The following NCKAP5 variants were observed in gnomAD, a reference collection of about 807,000 sequenced individuals.
NCKAP5 encodes NCK associated protein 5.
Under a neutral mutation model 167.0 loss-of-function variants are expected in NCKAP5, and 92 were observed. The observed-to-expected ratio is 0.55, with a 90% CI of 0.47 to 0.66. The LOEUF (loss-of-function observed/expected upper bound fraction) is 0.66. Among genes scored for constraint, NCKAP5 ranks in the 30% least tolerant of loss-of-function variants. The pLI, the probability that NCKAP5 is intolerant of heterozygous loss-of-function variation, is 0.00. For missense variants in NCKAP5, 2,378 were observed against 2,315.0 expected (o/e 1.03, Z -0.56); for synonymous variants, 891 against 877.4 (o/e 1.02, Z -0.27).
chr2:132,890,119 A>G (rs1414420528), intron 8 of NCKAP5, among the ~76,000 whole-genome samples: 1 of 152,228 alleles, frequency 6.6e-6, no homozygotes, highest in Admixed American at 6.5e-5. Flanking sequence ...TAAGATCAGA[A>G]AAGGTATTTC....
intron 8 of NCKAP5, among the ~76,000 whole-genome samples, chr2:132,918,609 TGAC>T (rs1260183268): frequency 1.3e-5 from 2 of 152,198 alleles, no homozygotes; most frequent in Non-Finnish European, 2.9e-5. Flanking sequence ...ATAATGATGA[TGAC>T]AATGCTATTA....
At position 132,782,959 on chromosome 2, in the gene NCKAP5, G is replaced by A; in HGVS notation, c.3852C>T (p.Asp1284=). The part of the protein sequence containing the change: ...RSHSFSTHSG[D]KPSTPPIEGS... ...CTTCGATGGGGGGCGTAGAAGGCTT[G>A]TCTCCTGAGTGTGTACTGAAGCTGT... Residue 1284 remains aspartate, a synonymous_variant, in exon 14 of 20, where the codon GAC becomes GAT. Coordinates refer to ENST00000409261, the MANE Select transcript of NCKAP5 (RefSeq NM_207363.3). The A allele has an allele frequency of 6.2e-7, 1 of 1,614,014 alleles. No individual in the cohort carries two copies. Among genetic ancestry groups the A allele is most frequent in the Non-Finnish European group, 8.5e-7 (1 of 1,179,884 alleles).
intron 2 of NCKAP5, among the ~76,000 whole-genome samples, chr2:133,541,468 GTAATTACATCAC>G (rs1158579891): frequency 3.3e-5 from 5 of 151,988 alleles, no homozygotes; most frequent in African/African-American, 1.2e-4. Context: ...GCAATATATG[GTAATTACATCAC>G]GATCCTTCAA....
intron 4 of NCKAP5, among the ~76,000 whole-genome samples, chr2:133,234,778 A>C (rs2087318436): frequency 6.6e-6 from 1 of 151,956 alleles, no homozygotes; most frequent in Admixed American, 6.6e-5. Flanking sequence ...TAGTTACCTA[A>C]AGTTTTAAAG....
intron 5 of NCKAP5, among the ~76,000 whole-genome samples, chr2:133,176,655 C>T (rs1365926867): frequency 6.6e-6 from 1 of 152,182 alleles, no homozygotes; most frequent in Non-Finnish European, 1.5e-5. Flanking sequence ...GATTAGCAAA[C>T]ATCTGATGAA....
chr2:132,985,625 T>G (rs1297536450), intron 7 of NCKAP5, among the ~76,000 whole-genome samples: 3 of 152,210 alleles, frequency 2.0e-5, no homozygotes, highest in African/African-American at 7.2e-5. Context: ...AATTCCGCCT[T>G]CTGTATCTGA....
intron 4 of NCKAP5, among the ~76,000 whole-genome samples, chr2:133,246,795 C>T (rs1368747121): frequency 6.6e-6 from 1 of 152,100 alleles, no homozygotes; most frequent in East Asian, 1.9e-4. Flanking sequence ...GGAGTCTATG[C>T]CCAAATAACA....
intron 4 of NCKAP5, among the ~76,000 whole-genome samples, chr2:133,294,268 T>C (rs1679802985): frequency 6.6e-6 from 1 of 152,186 alleles, no homozygotes; most frequent in Non-Finnish European, 1.5e-5. Flanking sequence ...ATGATTACAG[T>C]GAAGGCAACC....
In NCKAP5 at chr2:132,840,404, T is replaced by C. The variant is rs553882330; in HGVS notation, c.807+20088A>G. On this transcript the variant is annotated intron_variant, in intron 11 of 19. Transcript: ENST00000409261. ...AATGCTCCTGCCTCATTCTCCCAAG[T>C]AGCTGAGATTACAGTTGCCCACCAC... Among the ~76,000 whole-genome samples the C allele has an allele frequency of 5.9e-5, 9 of 151,990 alleles. No individual in the cohort carries two copies. In the East Asian group the frequency reaches 1.8e-3, roughly 30 times the overall value.
At chr2:132,988,844 A>G (rs1299614980) in intron 7 of NCKAP5, among the ~76,000 whole-genome samples, 1 of 152,210 alleles carries the variant, frequency 6.6e-6, no homozygotes, top group East Asian at 1.9e-4. Flanking sequence ...TATCTGGCCT[A>G]CTTTAGCTAT....
At chr2:133,163,068 C>T (rs1047033523) in intron 5 of NCKAP5, among the ~76,000 whole-genome samples, 4 of 152,118 alleles carry the variant, frequency 2.6e-5, no homozygotes, top group Non-Finnish European at 5.9e-5. Flanking sequence ...AAATGCCCTA[C>T]CTTTATACAT....
chr2:133,445,046 G>A (rs113181019), intron 3 of NCKAP5, among the ~76,000 whole-genome samples: 39 of 152,280 alleles, frequency 2.6e-4, no homozygotes, highest in African/African-American at 9.4e-4. Context: ...TTGTGATTGA[G>A]TGATTTACTT....
chr2:133,472,188 G>C (rs1368379259), intron 3 of NCKAP5, among the ~76,000 whole-genome samples: 2 of 151,946 alleles, frequency 1.3e-5, no homozygotes, highest in Non-Finnish European at 2.9e-5. Context: ...CTAAAATTCT[G>C]CTTGTTTCCA....
intron 5 of NCKAP5, among the ~76,000 whole-genome samples, chr2:133,207,662 C>T (rs79594515): frequency 0.012 from 1,731 of 142,396 alleles, 41 homozygotes; most frequent in African/African-American, 0.052. Context: ...ACAACGACAA[C>T]AACAACAACA....
At chr2:132,877,739 C>G (rs1423080301) in intron 9 of NCKAP5, among the ~76,000 whole-genome samples, 1 of 152,066 alleles carries the variant, frequency 6.6e-6, no homozygotes, top group Admixed American at 6.5e-5. Context: ...ATAGATCATC[C>G]CATTGACTTC....
chr2:133,502,069 C>T lies in NCKAP5; in HGVS notation c.69+15389G>A, dbSNP rs115562664. On this transcript the variant is annotated intron_variant, in intron 3 of 19. Transcript: ENST00000409261. ...CGCCTCGCTTGCTGTGATAATTTCC[C>T]GTGACTGCTACTTTGGTGATCCTTA... is the stretch of plus-strand genomic sequence containing the variant. Among the ~76,000 whole-genome samples, 586 of 152,306 alleles carry T rather than the reference C, an allele frequency of 3.8e-3. 7 individuals are homozygous for T. Among genetic ancestry groups the T allele is most frequent in the African/African-American group, 0.013 (550 of 41,564 alleles).
intron 11 of NCKAP5, among the ~76,000 whole-genome samples, chr2:132,830,362 G>A (rs1687430520): frequency 6.6e-6 from 1 of 151,696 alleles, no homozygotes; most frequent in Non-Finnish European, 1.5e-5. Flanking sequence ...TGGTGTTTCT[G>A]GTGATTATGC....
intron 4 of NCKAP5, among the ~76,000 whole-genome samples, chr2:133,290,512 A>G (rs1334006669): frequency 6.6e-6 from 1 of 152,196 alleles, no homozygotes. Flanking sequence ...GACAAGCCCT[A>G]AAACTTCTTG....
At chr2:133,652,102 C>T in the NCKAP5 span, among the ~76,000 whole-genome samples, 3 of 152,164 alleles carry the variant, frequency 2.0e-5, no homozygotes, top group African/African-American at 4.8e-5. Context: ...AGTGACTCAC[C>T]TTTTCACAAA....
Sources: gnomAD v4.1 joint callset for allele counts (sites outside exome capture counted in the v4.1 genomes callset) on GRCh38, gnomAD v4.1.1 for gene constraint, MANE v1.5 for transcripts, NCBI Gene and HGNC (gene_info 2026-07-23, HGNC 2026-07-21) for gene names.